Variants in KLRG2 observed in about 807,000 individuals in gnomAD.
The protein encoded by KLRG2 is killer cell lectin-like receptor subfamily G member 2.
Under a neutral mutation model 35.4 loss-of-function variants are expected in KLRG2, and 39 were observed. That is an observed-to-expected ratio of 1.10 (90% confidence interval 0.85 to 1.44). The LOEUF is 1.44. KLRG2 is among the 40% of genes most tolerant of loss of function. The pLI is 0.00. For missense variants in KLRG2, 632 were observed against 570.9 expected (o/e 1.11, Z -1.09); for synonymous variants, 283 against 265.8 (o/e 1.06, Z -0.63).
At chr7:139,439,750 G>A in the KLRG2 span, among the ~76,000 whole-genome samples, 2 of 152,146 alleles carry the variant, frequency 1.3e-5, no homozygotes, top group African/African-American at 4.8e-5. Flanking sequence ...TGTTGGTTGG[G>A]AATAGCGGAC....
chr7:139,454,976 C>T (rs1177047192), intron 3 of KLRG2, among the ~76,000 whole-genome samples: 2 of 151,368 alleles, frequency 1.3e-5, no homozygotes, highest in Non-Finnish European at 2.9e-5. Context: ...CTATTTTTAA[C>T]AATGAATTAA....
Position 139,480,234 on chromosome 7 carries a change from G to T in KLRG2, c.771C>A (p.Tyr257Ter). Reference protein sequence around the residue: ...RAVTLTGLPMYVKSLYWALAF... With the variant: ...RAVTLTGLPM The stretch of plus-strand genomic sequence containing the variant: ...CCAGGGCCCAGTACAGGGACTTCAC[G>T]TACATGGGTAGCCCTGGGACGGGGG... The change falls in exon 2 of 5, where the codon TAC becomes TAA. Residue 257 changes from tyrosine to a stop codon, truncating the protein, a stop_gained. Coordinates refer to ENST00000340940, the MANE Select transcript of KLRG2 (RefSeq NM_198508.4). LOFTEE classifies it high-confidence loss of function. 2 of 1,604,752 alleles carry T rather than the reference G, an allele frequency of 1.2e-6. No individual in the cohort carries two copies. Among genetic ancestry groups the T allele is most frequent in the East Asian group, 2.2e-5 (1 of 44,820 alleles).
chr7:139,439,300 A>G, the KLRG2 span, among the ~76,000 whole-genome samples: 1 of 152,166 alleles, frequency 6.6e-6, no homozygotes, highest in Non-Finnish European at 1.5e-5. Flanking sequence ...TACGAACTCT[A>G]CAACAGGGAA....
chr7:139,429,213 C>T, the KLRG2 span, among the ~76,000 whole-genome samples: 7 of 152,102 alleles, frequency 4.6e-5, no homozygotes, highest in South Asian at 2.1e-4. Context: ...GGCTGAGGCA[C>T]GAGAATTGCT....
chr7:139,476,299 C>T (rs1013535416), intron 3 of KLRG2, among the ~76,000 whole-genome samples: 6 of 151,996 alleles, frequency 3.9e-5, no homozygotes, highest in African/African-American at 7.2e-5. Context: ...GGGAATCCCA[C>T]GGAGGAGGGA....
In KLRG2 at chr7:139,483,216, A is replaced by G; in HGVS notation, c.427T>C (p.Ser143Pro). 3 of 1,531,546 alleles carry G rather than the reference A, an allele frequency of 2.0e-6. No individual in the cohort carries two copies. Among genetic ancestry groups the G allele is most frequent in the Non-Finnish European group, 2.6e-6 (3 of 1,149,390 alleles). 94.9% of individuals were successfully genotyped at this position (1,531,546 alleles called of 1,614,324 possible). Residue 143 changes from serine to proline, a missense_variant, in exon 1 of 5, where the codon TCG (serine) becomes CCG (proline). Coordinates refer to ENST00000340940, the MANE Select transcript of KLRG2 (RefSeq NM_198508.4). ...AGGAAGCGCGTGGAGGGCCTGGGCGATGGCGTGCTGCTGCCACCGGCCGCG... is the reference window on the plus strand; with the variant it reads ...AGGAAGCGCGTGGAGGGCCTGGGCGGTGGCGTGCTGCTGCCACCGGCCGCG... ...VGAAGGSSTPSPRPSTRFLKV... is the reference protein window; with the variant it reads ...VGAAGGSSTPPPRPSTRFLKV...
At chr7:139,434,835 G>C in the KLRG2 span, among the ~76,000 whole-genome samples, 1 of 152,278 alleles carries the variant, frequency 6.6e-6, no homozygotes, top group South Asian at 2.1e-4. Context: ...CTGCCACTTA[G>C]AAGCTGTGTG....
chr7:139,458,560 C>T (rs562410053), intron 3 of KLRG2, among the ~76,000 whole-genome samples: 1 of 152,164 alleles, frequency 6.6e-6, no homozygotes, highest in East Asian at 1.9e-4. Flanking sequence ...TAAACAACTC[C>T]CCATCCCCCG....
At chr7:139,455,611 G>C (rs550619582) in intron 3 of KLRG2, among the ~76,000 whole-genome samples, 1 of 152,156 alleles carries the variant, frequency 6.6e-6, no homozygotes, top group Non-Finnish European at 1.5e-5. Flanking sequence ...GTGAGCCACC[G>C]CGCCCGGCCA....
At chr7:139,477,716 T>C (rs1796874991) in intron 3 of KLRG2, among the ~76,000 whole-genome samples, 1 of 152,158 alleles carries the variant, frequency 6.6e-6, no homozygotes, top group Non-Finnish European at 1.5e-5. Context: ...GCTGTACACT[T>C]AAAATGGCTA....
chr7:139,437,422 C>T, the KLRG2 span, among the ~76,000 whole-genome samples: 1 of 96,042 alleles, frequency 1.0e-5, no homozygotes, highest in Non-Finnish European at 1.9e-5. Context: ...GAGACTCCAT[C>T]TCCAAAAAAA....
chr7:139,434,161 G>A, the KLRG2 span, among the ~76,000 whole-genome samples: 2 of 152,206 alleles, frequency 1.3e-5, no homozygotes, highest in Non-Finnish European at 2.9e-5. Context: ...GAAGCAAGCC[G>A]TGAGAATCAC....
intron 3 of KLRG2, among the ~76,000 whole-genome samples, chr7:139,467,598 G>A (rs1473786749): frequency 1.3e-5 from 2 of 151,854 alleles, no homozygotes; most frequent in Admixed American, 6.6e-5. Context: ...GATTAAGGGC[G>A]GTGCAAGATG....
the KLRG2 span, among the ~76,000 whole-genome samples, chr7:139,443,026 G>C: frequency 2.0e-5 from 3 of 148,860 alleles, no homozygotes; most frequent in African/African-American, 5.0e-5. Context: ...GAAGATCCAA[G>C]AAGTACTATA....
At chr7:139,475,368 A>G (rs1796831878) in intron 3 of KLRG2, among the ~76,000 whole-genome samples, 1 of 152,022 alleles carries the variant, frequency 6.6e-6, no homozygotes, top group Non-Finnish European at 1.5e-5. Flanking sequence ...CGTCTCTACT[A>G]AAAATACAAA....
the KLRG2 span, among the ~76,000 whole-genome samples, chr7:139,438,737 G>A: frequency 1.7e-4 from 26 of 150,492 alleles, no homozygotes; most frequent in African/African-American, 5.4e-4. Flanking sequence ...GTGCAATGGC[G>A]TGATCTCAGC....
At chr7:139,465,045 T>G (rs1796627774) in intron 3 of KLRG2, among the ~76,000 whole-genome samples, 1 of 152,206 alleles carries the variant, frequency 6.6e-6, no homozygotes, top group Non-Finnish European at 1.5e-5. Context: ...TTTCCTTCTT[T>G]CCTGTTCCTC....
chr7:139,461,994 G>A (rs1199765675), intron 3 of KLRG2, among the ~76,000 whole-genome samples: 1 of 152,170 alleles, frequency 6.6e-6, no homozygotes, highest in Non-Finnish European at 1.5e-5. Context: ...AATTGGATAA[G>A]CGGCCTCTTT....
chr7:139,446,660 T>C, the KLRG2 span, among the ~76,000 whole-genome samples: 3 of 152,134 alleles, frequency 2.0e-5, no homozygotes, highest in Non-Finnish European at 4.4e-5. Flanking sequence ...GCTTCTGGAA[T>C]CTTCCTGCAG....
Sources: gnomAD v4.1 joint callset for allele counts (sites outside exome capture counted in the v4.1 genomes callset) on GRCh38, gnomAD v4.1.1 for gene constraint, MANE v1.5 for transcripts, NCBI Gene and HGNC (gene_info 2026-07-23, HGNC 2026-07-21) for gene names.